The following AZIN2 variants were observed in gnomAD, a reference collection of about 807,000 sequenced individuals.
AZIN2 encodes ODC antizyme inhibitor-2.
AZIN2 carries 28 observed loss-of-function variants against 47.8 expected under a neutral mutation model. The observed-to-expected ratio is 0.59, with a 90% confidence interval of 0.43 to 0.80. AZIN2 has a LOEUF of 0.80. Ranked by LOEUF, AZIN2 falls within the 30% of genes least tolerant of loss-of-function variation. AZIN2 has a pLI of 0.00. For missense variants in AZIN2, 535 were observed against 582.5 expected (o/e 0.92, Z 0.84); for synonymous variants, 221 against 239.4 (o/e 0.92, Z 0.71).
intron 5 of AZIN2, among the ~76,000 whole-genome samples, chr1:33,090,849 C>G (rs1178772003): frequency 2.0e-5 from 3 of 152,196 alleles, no homozygotes; most frequent in Admixed American, 1.3e-4. Context: ...CTTCCCACTG[C>G]CCCCTCGCCA....
chr1:33,111,487 G>T (rs1449891551), intron 10 of AZIN2, among the ~76,000 whole-genome samples: 4 of 152,094 alleles, frequency 2.6e-5, no homozygotes, highest in Admixed American at 6.6e-5. Context: ...AACACAGAAA[G>T]TAATTAAAAT....
At chr1:33,115,904 T>G (rs963560556) in intron 10 of AZIN2, among the ~76,000 whole-genome samples, 1 of 152,214 alleles carries the variant, frequency 6.6e-6, no homozygotes, top group Non-Finnish European at 1.5e-5. Flanking sequence ...CCAAAGATCC[T>G]TGTAGATTCA....
chr1:33,094,791 C>A (rs1642964650), intron 8 of AZIN2, 78 bp downstream of exon 8: 2 of 1,515,780 alleles, frequency 1.3e-6, no homozygotes, highest in Non-Finnish European at 1.8e-6. Flanking sequence ...CGGAGGGAGA[C>A]CACCGTGCGT....
At position 33,114,652 on chromosome 1, in the gene AZIN2, C is replaced by CTTTTT. The variant is rs35317929; in HGVS notation, c.1030-3233_1030-3229dup. On this transcript the variant is annotated intron_variant, in intron 10 of 11. Transcript: ENST00000294517. ...ACAGGCATGAGCCACCGCGACCCGC[C>CTTTTT]TTTTTTTTTTTTTTTTTTTTTGAGA... Among the ~76,000 whole-genome samples, 12 of 79,880 alleles carry CTTTTT rather than the reference C, an allele frequency of 1.5e-4. 1 individual carries two copies. The highest frequency in any genetic ancestry group is 7.0e-4 in the African/African-American group (12 of 17,124). The allele number at this position is 79,880 out of a possible 152,430, so 52.4% of individuals were successfully genotyped here.
chr1:33,120,187 GC>G lies in AZIN2; in HGVS notation c.*7del. 2.5e-6 allele frequency: 4 copies of G among 1,599,004 alleles called. No individual in the cohort carries two copies. Among genetic ancestry groups the G allele is most frequent in the Non-Finnish European group, 3.4e-6 (4 of 1,168,464 alleles). On this transcript the variant is annotated 3_prime_UTR_variant, in exon 12 of 12. Transcript: ENST00000294517. ...ACCCCAGCGAGCATCATGTGAGTGG[GC>G]CTCGTTCCCCCCGGAGAATCCCAGC...
In AZIN2 at chr1:33,093,364, A is replaced by G; in HGVS notation, c.535A>G (p.Arg179Gly). The G allele has an allele frequency of 1.2e-6, 2 of 1,614,126 alleles. No individual in the cohort carries two copies. The highest frequency in any genetic ancestry group is 1.7e-6 in the Non-Finnish European group (2 of 1,179,998). The change falls in exon 7 of 12, where the codon AGA (arginine) becomes GGA (glycine). Residue 179 changes from arginine to glycine, a missense_variant. This residue lies in a region of AZIN2 where 409 missense variants were observed against 429.0 expected (regional missense o/e 0.95). Transcript: ENST00000294517. ...GTTTGGAGTGTCACTGAAATCCTGC[A>G]GACACCTGCTTGAAAATGCGAAGAA... ...LKFGVSLKSC[R>G]HLLENAKKHH...
At chr1:33,101,743 T>G (rs765082178) in intron 10 of AZIN2, 1 of 680,222 alleles carries the variant, frequency 1.5e-6, no homozygotes, top group Non-Finnish European at 2.7e-6. Context: ...CTCGAGTGTA[T>G]TTATAATTTA....
intron 10 of AZIN2, among the ~76,000 whole-genome samples, chr1:33,117,693 A>G (rs1392928135): frequency 1.3e-5 from 2 of 152,210 alleles, no homozygotes; most frequent in Non-Finnish European, 2.9e-5. Flanking sequence ...CAACTGCTGG[A>G]ACCTGGATTT....
chr1:33,083,142 T>G (rs1017895100), intron 4 of AZIN2: 1 of 152,674 alleles, frequency 6.5e-6, no homozygotes, highest in Non-Finnish European at 1.5e-5. Flanking sequence ...TGAATGGACT[T>G]GTAAGTACTT....
At position 33,096,756 on chromosome 1, in the gene AZIN2, G is replaced by A. The variant is rs1427954780; in HGVS notation, c.803G>A (p.Cys268Tyr). 1.2e-6 allele frequency: 2 copies of A among 1,614,244 alleles called. No individual in the cohort carries two copies. The highest frequency in any genetic ancestry group is 2.2e-5 in the South Asian group (2 of 91,086). The stretch of plus-strand genomic sequence containing the variant: ...TTGGACCTGTACTTCCCAGAGGGCT[G>A]TGGCGTGGACATCTTTGCTGAGCTG... ...SALDLYFPEG[C>Y]GVDIFAELGR... The change falls in exon 9 of 12, where the codon TGT (cysteine) becomes TAT (tyrosine). Residue 268 changes from cysteine (C) to tyrosine (Y), a missense_variant. Physicochemically the swap from Cys to Tyr is radical, Grantham distance 194. This residue lies in a region of AZIN2 where 409 missense variants were observed against 429.0 expected (regional missense o/e 0.95). Coordinates refer to ENST00000294517, the MANE Select transcript of AZIN2 (RefSeq NM_052998.4).
rs1219744154 is a variant in AZIN2, at chr1:33,121,768, G to C, written c.*1586G>C. Among the ~76,000 whole-genome samples, 3 of 152,112 alleles carry C rather than the reference G, an allele frequency of 2.0e-5. No homozygotes were observed. The highest frequency in any genetic ancestry group is 4.4e-5 in the Non-Finnish European group (3 of 68,028). ...ATTTGCTTATTCTGGACATTGTATT[G>C]TGATGGATTTTCTATCTTCACTTGA... On this transcript the variant is annotated 3_prime_UTR_variant, in exon 12 of 12. Coordinates refer to ENST00000294517, the MANE Select transcript of AZIN2 (RefSeq NM_052998.4).
intron 5 of AZIN2, among the ~76,000 whole-genome samples, chr1:33,089,850 C>A (rs1242203568): frequency 6.6e-6 from 1 of 152,196 alleles, no homozygotes; most frequent in African/African-American, 2.4e-5. Flanking sequence ...ATCAGGATGG[C>A]TAAAAATGAC....
chr1:33,084,349 G>C (rs927879526), intron 5 of AZIN2, among the ~76,000 whole-genome samples: 1 of 152,174 alleles, frequency 6.6e-6, no homozygotes, highest in African/African-American at 2.4e-5. Context: ...CTTTGTCCCT[G>C]GTAGAAAGCT....
At chr1:33,141,073 A>G in the AZIN2 span, among the ~76,000 whole-genome samples, 7 of 152,050 alleles carry the variant, frequency 4.6e-5, no homozygotes, top group African/African-American at 1.7e-4. Context: ...CAGGGCTGAG[A>G]TCAGGGGTCT....
intron 10 of AZIN2, among the ~76,000 whole-genome samples, chr1:33,114,652 C>CTTTTTT (rs35317929): frequency 2.5e-5 from 2 of 79,882 alleles, no homozygotes; most frequent in African/African-American, 5.8e-5. Context: ...CGCGACCCGC[C>CTTTTTT]TTTTTTTTTT....
chr1:33,158,321 G>A, the AZIN2 span: 21 of 1,613,954 alleles, frequency 1.3e-5, no homozygotes, highest in South Asian at 7.7e-5. Flanking sequence ...CTTGGAGGTC[G>A]GGAAGTCTTC....
chr1:33,095,445 CCAAAA>C (rs1643049842), intron 8 of AZIN2, among the ~76,000 whole-genome samples: 4 of 151,954 alleles, frequency 2.6e-5, no homozygotes, highest in Admixed American at 2.6e-4. Flanking sequence ...AAAACAGGTT[CCAAAA>C]ACATATACAG....
At chr1:33,109,431 C>A (rs973874711) in intron 10 of AZIN2, among the ~76,000 whole-genome samples, 2 of 151,538 alleles carry the variant, frequency 1.3e-5, no homozygotes, top group East Asian at 1.9e-4. Flanking sequence ...CAGGCTCAAG[C>A]GATTCTCCTG....
At chr1:33,147,698 T>C in the AZIN2 span, 11 of 1,612,982 alleles carry the variant, frequency 6.8e-6, no homozygotes, top group Non-Finnish European at 8.5e-6. This position sits in a 1 kb window ranked among gnomAD's most constrained non-coding sequence, Gnocchi z 8.1. Context: ...TGGTGGGCTG[T>C]GCCCGGGTCC....
Sources: gnomAD v4.1 joint callset for allele counts (sites outside exome capture counted in the v4.1 genomes callset) on GRCh38, gnomAD v4.1.1 for gene constraint, gnomAD v4.1.1 regional missense constraint, Gnocchi (gnomAD v3.1) non-coding constraint, MANE v1.5 for transcripts, NCBI Gene and HGNC (gene_info 2026-07-23, HGNC 2026-07-21) for gene names.